PTPRD: variants seen among roughly 807,000 people sequenced by gnomAD.
PTPRD encodes the protein receptor-type tyrosine-protein phosphatase delta.
A neutral mutation model predicts 214.5 loss-of-function variants in PTPRD; 34 were observed. The observed-to-expected ratio is 0.16, with a 90% CI of 0.12 to 0.21. PTPRD has a LOEUF of 0.21. Ranked by LOEUF, PTPRD falls within the 10% of genes least tolerant of loss-of-function variation. PTPRD has a pLI of 1.00. For synonymous variants in PTPRD, 1,128 were observed against 845.7 expected, an observed-to-expected ratio of 1.33 and a Z score of -5.79; for missense variants, 2,545 against 2,398.7, an observed-to-expected ratio of 1.06 and a Z score of -1.27.
chr9:8,445,541 T>C (rs2095690649), intron 34 of PTPRD, among the ~76,000 whole-genome samples: 1 of 152,156 alleles, frequency 6.6e-6, no homozygotes, highest in Admixed American at 6.5e-5. Flanking sequence ...CAAAAAATGA[T>C]AAATGTTCCC....
chr9:9,811,075 T>TA (rs1199563688), intron 5 of PTPRD, among the ~76,000 whole-genome samples: 3 of 151,906 alleles, frequency 2.0e-5, no homozygotes, highest in African/African-American at 7.3e-5. Context: ...CCATCTGTAC[T>TA]AAAAATACAA....
intron 2 of PTPRD, among the ~76,000 whole-genome samples, chr9:10,383,893 A>T (rs1391026739): frequency 6.6e-6 from 1 of 151,786 alleles, no homozygotes; most frequent in Non-Finnish European, 1.5e-5. Flanking sequence ...AAGCAAAAGA[A>T]ACAATTTATC....
intron 5 of PTPRD, among the ~76,000 whole-genome samples, chr9:9,935,297 A>G (rs1274050592): frequency 6.6e-6 from 1 of 152,208 alleles, no homozygotes; most frequent in African/African-American, 2.4e-5. Flanking sequence ...CCCTGTTTGC[A>G]GAAGACATGA....
chr9:8,967,619 G>T (rs2099205963), intron 11 of PTPRD, among the ~76,000 whole-genome samples: 1 of 151,904 alleles, frequency 6.6e-6, no homozygotes. Flanking sequence ...AAAAACAATA[G>T]AAAATTAATG....
intron 10 of PTPRD, among the ~76,000 whole-genome samples, chr9:9,159,166 T>G (rs1246587009): frequency 2.6e-5 from 4 of 152,142 alleles, no homozygotes; most frequent in African/African-American, 9.7e-5. Flanking sequence ...ATGCCAAATT[T>G]GACAACTTCC....
At chr9:10,559,063 C>A (rs988005925) in intron 2 of PTPRD, among the ~76,000 whole-genome samples, 1 of 152,076 alleles carries the variant, frequency 6.6e-6, no homozygotes, top group African/African-American at 2.4e-5. Flanking sequence ...GCATCAACTT[C>A]ATGAGAGTAA....
chr9:9,596,738 A>G (rs1473803869), intron 7 of PTPRD, among the ~76,000 whole-genome samples: 1 of 152,034 alleles, frequency 6.6e-6, no homozygotes, highest in East Asian at 1.9e-4. Flanking sequence ...AGGCTTGTGT[A>G]TATGAAGGAG....
chr9:9,734,957 T>A (rs2098267486), intron 6 of PTPRD, among the ~76,000 whole-genome samples: 2 of 152,256 alleles, frequency 1.3e-5, no homozygotes, highest in African/African-American at 2.4e-5. Context: ...GACCAAAGTT[T>A]CATTTTAAAA....
Position 9,315,780 on chromosome 9 carries a change from C to T in PTPRD, c.-203+81669G>A, listed in dbSNP as rs563949004. On this transcript the variant is annotated intron_variant, in intron 9 of 45. Transcript: ENST00000381196. Reference sequence around the variant, plus strand: ...AACAAGTTGAATCTGGGGTTAAATCCTTATGTTTTTCTTGTTGCTTCATAT... The same window carrying T: ...AACAAGTTGAATCTGGGGTTAAATCTTTATGTTTTTCTTGTTGCTTCATAT... Among the ~76,000 whole-genome samples, 8 of 147,200 alleles carry T rather than the reference C, an allele frequency of 5.4e-5. No homozygotes were observed. The East Asian group carries it at 1.2e-3, about 22-fold the overall frequency.
intron 14 of PTPRD, among the ~76,000 whole-genome samples, chr9:8,531,662 C>T (rs1001116044): frequency 6.6e-6 from 1 of 152,050 alleles, no homozygotes; most frequent in African/African-American, 2.4e-5. Flanking sequence ...TGTATCTCTC[C>T]CATGGTGTTT....
intron 5 of PTPRD, among the ~76,000 whole-genome samples, chr9:9,846,003 G>C (rs1181709933): frequency 3.9e-5 from 6 of 152,040 alleles, no homozygotes; most frequent in Admixed American, 3.9e-4. Context: ...AGGCGGGCAG[G>C]ATATTAATCT....
At chr9:9,243,779 G>A (rs1306277875) in intron 9 of PTPRD, among the ~76,000 whole-genome samples, 1 of 152,166 alleles carries the variant, frequency 6.6e-6, no homozygotes, top group South Asian at 2.1e-4. Context: ...AGTGTTGGAA[G>A]TTCTGGCCAG....
At chr9:9,068,953 T>C (rs1007837678) in intron 10 of PTPRD, among the ~76,000 whole-genome samples, 1 of 152,082 alleles carries the variant, frequency 6.6e-6, no homozygotes, top group African/African-American at 2.4e-5. Flanking sequence ...ATCTGAAAAA[T>C]AATTTCCGGG....
At chr9:10,233,481 C>G (rs910139824) in intron 3 of PTPRD, among the ~76,000 whole-genome samples, 2 of 151,900 alleles carry the variant, frequency 1.3e-5, no homozygotes, top group Non-Finnish European at 2.9e-5. Context: ...CTTGAGATCT[C>G]TGTCTCTTTT....
chr9:8,364,548 G>A (rs926047796), intron 39 of PTPRD, among the ~76,000 whole-genome samples: 4 of 152,212 alleles, frequency 2.6e-5, no homozygotes, highest in African/African-American at 9.7e-5. Context: ...AGCCAGGCTA[G>A]CACTCCAACG....
rs1469187496 is a variant in PTPRD, at chr9:8,501,047, G to A, written c.1835C>T (p.Pro612Leu). The change falls in exon 24 of 46, where the codon CCT becomes CTT. Residue 612 changes from proline (P) to leucine (L), a missense_variant. Transcript: ENST00000381196. Reference sequence around the variant, plus strand: ...GCTGGTGCAACTAATGTCTTGAGGAGGAGCTGACGGCTCTTATTTTGGTAG... The same window carrying A: ...GCTGGTGCAACTAATGTCTTGAGGAAGAGCTGACGGCTCTTATTTTGGTAG... ...ARTMQSKPSA[P>L]PQDISCTSPS... is the part of the protein sequence containing the mutation. The A allele has an allele frequency of 6.2e-7, 1 of 1,611,748 alleles. No individual in the cohort carries two copies. Among genetic ancestry groups the A allele is most frequent in the Non-Finnish European group, 8.5e-7 (1 of 1,178,322 alleles).
rs139560077 is a variant in PTPRD, at chr9:9,886,146, T to C, written c.-368+52361A>G. 1.1e-3 allele frequency among the ~76,000 whole-genome samples: 171 copies of C among 152,076 alleles called. 2 individuals are homozygous for C. Among genetic ancestry groups the C allele is most frequent in the African/African-American group, 3.9e-3 (160 of 41,508 alleles). ...GAAAAAGAATGATGCCCAAGGGATA[T>C]AGCCAAGAGACATCAGAGGACAACT... On this transcript the variant is annotated intron_variant, in intron 5 of 45. Transcript: ENST00000381196.
intron 4 of PTPRD, among the ~76,000 whole-genome samples, chr9:9,978,247 T>C (rs1336628509): frequency 6.6e-6 from 1 of 152,094 alleles, no homozygotes. Flanking sequence ...GAGTGTTAGA[T>C]TTACTGGGTA....
chr9:9,401,846 G>C (rs983448323), intron 8 of PTPRD, among the ~76,000 whole-genome samples: 1 of 151,830 alleles, frequency 6.6e-6, no homozygotes, highest in Admixed American at 6.6e-5. Context: ...CTCTTGGCTC[G>C]GCAATTCTTT....
Sources: allele counts gnomAD v4.1 joint callset (sites outside exome capture counted in the v4.1 genomes callset), GRCh38; gene constraint gnomAD v4.1.1; transcripts MANE v1.5; gene names NCBI Gene and HGNC (gene_info 2026-07-23, HGNC 2026-07-21).